The following TEX9 variants were observed in gnomAD, a reference collection of about 807,000 sequenced individuals.
The protein encoded by TEX9 is testis-expressed protein 9.
Under a neutral mutation model 59.6 loss-of-function variants are expected in TEX9, and 74 were observed. The observed-to-expected ratio is 1.24, with a 90% CI of 1.03 to 1.51. TEX9 has a LOEUF of 1.51. Ranked by LOEUF, TEX9 falls within the 40% of genes most tolerant of loss-of-function variation. TEX9 has a pLI of 0.00. For missense variants in TEX9, 522 were observed against 447.8 expected, an observed-to-expected ratio of 1.17 and a Z score of -1.49; for synonymous variants, 186 against 152.2, an observed-to-expected ratio of 1.22 and a Z score of -1.64.
chr15:56,283,935 C>A (rs2044879305), intron 1 of TEX9, among the ~76,000 whole-genome samples: 1 of 152,092 alleles, frequency 6.6e-6, no homozygotes, highest in African/African-American at 2.4e-5. Flanking sequence ...AAATGTCTAA[C>A]CTCATAGTAA....
chr15:56,386,069 G>C (rs1444541183), intron 4 of TEX9, among the ~76,000 whole-genome samples: 1 of 151,962 alleles, frequency 6.6e-6, no homozygotes, highest in Non-Finnish European at 1.5e-5. Flanking sequence ...ATTGGTGGCT[G>C]GATAAACAAA....
chr15:56,261,868 A>G (rs2141349958), intron 1 of TEX9, among the ~76,000 whole-genome samples: 1 of 152,294 alleles, frequency 6.6e-6, no homozygotes, highest in East Asian at 1.9e-4. Flanking sequence ...TATGCCACCC[A>G]GGCCTAAGAT....
chr15:56,358,883 C>T (rs1380132312), intron 1 of TEX9, among the ~76,000 whole-genome samples: 1 of 152,086 alleles, frequency 6.6e-6, no homozygotes, highest in Non-Finnish European at 1.5e-5. Context: ...CTTTCACGTA[C>T]TTGCTCTCTC....
upstream of TEX9, chr15:56,365,370 C>G (rs2046886014): frequency 2.6e-6 from 4 of 1,537,812 alleles, no homozygotes; most frequent in Non-Finnish European, 2.6e-6. Context: ...CGTAGGCGCC[C>G]GGGCGGGAGG....
chr15:56,428,160 T>A (rs2050409063), intron 11 of TEX9, among the ~76,000 whole-genome samples: 2 of 152,064 alleles, frequency 1.3e-5, no homozygotes, highest in Admixed American at 1.3e-4. Flanking sequence ...ATTATAGAAT[T>A]ATTATTATCT....
chr15:56,379,416 A>T (rs1444090288), intron 3 of TEX9, among the ~76,000 whole-genome samples: 5 of 152,154 alleles, frequency 3.3e-5, no homozygotes, highest in Admixed American at 3.3e-4. Context: ...AAGATGCTTG[A>T]TATTATTTCA....
intron 12 of TEX9, among the ~76,000 whole-genome samples, chr15:56,437,692 G>A (rs1272347829): frequency 2.6e-5 from 4 of 152,198 alleles, no homozygotes; most frequent in Non-Finnish European, 4.4e-5. Context: ...GTTTGCAGAT[G>A]ACATGATTGT....
chr15:56,395,878 T>A (rs1467091231), intron 9 of TEX9: 1 of 152,206 alleles, frequency 6.6e-6, no homozygotes, highest in Non-Finnish European at 1.5e-5. Context: ...TACAAGTCCC[T>A]TATCAGGTAT....
intron 1 of TEX9, among the ~76,000 whole-genome samples, chr15:56,245,651 C>T (rs2043834855): frequency 6.6e-6 from 1 of 152,132 alleles, no homozygotes; most frequent in African/African-American, 2.4e-5. Flanking sequence ...ACTTTCCATA[C>T]ATTATCATAG....
intron 5 of TEX9, 95 bp downstream of exon 5, chr15:56,388,615 C>T: frequency 2.0e-6 from 2 of 1,021,264 alleles, no homozygotes; most frequent in Middle Eastern, 2.1e-4. Context: ...AGGGGTATGA[C>T]TCAACAGAAA....
At chr15:56,300,998 C>A (rs570923975) in intron 1 of TEX9, among the ~76,000 whole-genome samples, 48 of 152,206 alleles carry the variant, frequency 3.2e-4, no homozygotes, top group African/African-American at 1.2e-3. Flanking sequence ...GTGACCTTAC[C>A]AAATGAAATA....
intron 9 of TEX9, among the ~76,000 whole-genome samples, chr15:56,400,778 G>C (rs2048728497): frequency 1.3e-5 from 2 of 152,204 alleles, no homozygotes; most frequent in Non-Finnish European, 2.9e-5. Context: ...CAGACTAACG[G>C]GAGATCTCTC....
At chr15:56,277,653 C>G (rs906280255) in intron 1 of TEX9, among the ~76,000 whole-genome samples, 2 of 152,120 alleles carry the variant, frequency 1.3e-5, no homozygotes, top group Non-Finnish European at 2.9e-5. Flanking sequence ...GCTATATGGG[C>G]TTTTTTGGTT....
At chr15:56,443,395 C>G (rs763829243) in intron 12 of TEX9, 18 of 1,439,238 alleles carry the variant, frequency 1.3e-5, no homozygotes, top group Non-Finnish European at 1.7e-5. Context: ...ATATTCTTCT[C>G]TACATTAATC....
intron 1 of TEX9, among the ~76,000 whole-genome samples, chr15:56,350,643 T>G (rs1447843918): frequency 6.6e-6 from 1 of 152,186 alleles, no homozygotes; most frequent in African/African-American, 2.4e-5. Flanking sequence ...GTTTCAACCA[T>G]TAGTTTCATT....
intron 2 of TEX9, among the ~76,000 whole-genome samples, chr15:56,372,685 A>T (rs1661321504): frequency 1.3e-5 from 2 of 152,186 alleles, no homozygotes; most frequent in Admixed American, 1.3e-4. Context: ...TGTGTATGCT[A>T]TAGATGAAAA....
chr15:56,442,271 C>T (rs2050828558), intron 12 of TEX9, among the ~76,000 whole-genome samples: 1 of 152,122 alleles, frequency 6.6e-6, no homozygotes, highest in South Asian at 2.1e-4. Context: ...TGCTTATACA[C>T]TGTTGGTGGG....
At chr15:56,315,790 A>G (rs548506610) in intron 1 of TEX9, among the ~76,000 whole-genome samples, 5,342 of 146,768 alleles carry the variant, frequency 0.036, 387 homozygotes, top group African/African-American at 0.12. Flanking sequence ...AGGTACACCA[A>G]TCAGATGTAG....
At chr15:56,318,660 A>G (rs539218698) in intron 1 of TEX9, among the ~76,000 whole-genome samples, 2 of 151,906 alleles carry the variant, frequency 1.3e-5, no homozygotes, top group East Asian at 3.9e-4. Context: ...TATAATTTTA[A>G]TTCTCTTGTT....
Sources: gnomAD v4.1 joint callset for allele counts (sites outside exome capture counted in the v4.1 genomes callset) on GRCh38, gnomAD v4.1.1 for gene constraint, MANE v1.5 for transcripts, NCBI Gene and HGNC (gene_info 2026-07-23, HGNC 2026-07-21) for gene names.